The following EYS variants were observed in gnomAD, a reference collection of about 807,000 sequenced individuals.
EYS encodes the protein protein eyes shut homolog.
Under a neutral mutation model 282.1 loss-of-function variants are expected in EYS, and 250 were observed. The observed-to-expected ratio is 0.89, with a 90% confidence interval of 0.80 to 0.98. The LOEUF (loss-of-function observed/expected upper bound fraction) is 0.98. EYS is among the 50% of genes least tolerant of loss of function. The pLI, the probability that EYS is intolerant of heterozygous loss-of-function variation, is 0.00. For missense variants in EYS, 4,016 were observed against 3,709.0 expected (o/e 1.08, Z -2.15); for synonymous variants, 1,355 against 1,282.9 (o/e 1.06, Z -1.20).
At chr6:64,551,536 C>CT (rs34550861) in intron 26 of EYS, among the ~76,000 whole-genome samples, 3,062 of 131,794 alleles carry the variant, frequency 0.023, 52 homozygotes, top group Middle Eastern at 0.048. Flanking sequence ...CAAGTGCATT[C>CT]TTTTTTTTTT....
rs868439215 is a variant in EYS at position 65,494,878 on chromosome 6, A to G, written c.533T>C (p.Leu178Pro). The G allele has an allele frequency of 9.3e-6, 15 of 1,614,026 alleles. No individual in the cohort carries two copies. In the Middle Eastern group the frequency reaches 2.1e-3, roughly 231 times the overall value. ...TVKQQFCQES[L>P]SSEFCSGHGK... ...ATGACCAGAGCAAAATTCTGAACTC[A>G]GAGATTCCTGGCAGAACTGCTGTTT... The change falls in exon 4 of 43, where the codon CTG becomes CCG. Residue 178 changes from leucine to proline, a missense_variant. Leu to Pro is a moderately conservative substitution (Grantham distance 98, BLOSUM62 -3). Coordinates refer to ENST00000503581, the MANE Select transcript of EYS (RefSeq NM_001142800.2).
At chr6:65,532,080 GAA>G (rs1366416468) in intron 2 of EYS, among the ~76,000 whole-genome samples, 1 of 151,972 alleles carries the variant, frequency 6.6e-6, no homozygotes, top group Admixed American at 6.6e-5. Context: ...TGCTGTTATA[GAA>G]AATGTATAAA....
intron 26 of EYS, among the ~76,000 whole-genome samples, chr6:64,461,559 A>G (rs1032482010): frequency 6.6e-6 from 1 of 152,160 alleles, no homozygotes. Context: ...TTAAATATAG[A>G]TTTTGTGTTC....
In EYS at chr6:65,509,069, A is replaced by G. The variant is rs527412803; in HGVS notation, c.-332-13076T>C. Among the ~76,000 whole-genome samples the G allele has an allele frequency of 3.2e-4, 48 of 152,346 alleles. 1 individual carries two copies. The South Asian group carries it at 4.3e-3, about 14-fold the overall frequency. On this transcript the variant is annotated intron_variant, in intron 2 of 42. Transcript: ENST00000503581. Reference sequence around the variant, plus strand: ...ATGACTCAGGACCCAGAGGTACCCAATGAGTAAACTGGAGATGAAAATAAA... The same window carrying G: ...ATGACTCAGGACCCAGAGGTACCCAGTGAGTAAACTGGAGATGAAAATAAA...
intron 1 of EYS, among the ~76,000 whole-genome samples, chr6:65,683,526 A>G (rs1022293284): frequency 6.6e-6 from 1 of 152,062 alleles, no homozygotes; most frequent in African/African-American, 2.4e-5. Flanking sequence ...GCCATTTTGA[A>G]GATCCACAAT....
chr6:65,313,461 C>G (rs1353766105), intron 11 of EYS, among the ~76,000 whole-genome samples: 2 of 151,614 alleles, frequency 1.3e-5, no homozygotes, highest in Non-Finnish European at 2.9e-5. Flanking sequence ...ACTGTGATCA[C>G]AGCTGAGCTC....
At chr6:65,179,734 C>G (rs373353734) in intron 12 of EYS, among the ~76,000 whole-genome samples, 1 of 152,016 alleles carries the variant, frequency 6.6e-6, no homozygotes, top group Non-Finnish European at 1.5e-5. Context: ...GATACCAAAG[C>G]CTGGCAGAGA....
intron 11 of EYS, among the ~76,000 whole-genome samples, chr6:65,325,838 C>G (rs534702592): frequency 1.3e-5 from 2 of 152,218 alleles, no homozygotes; most frequent in Non-Finnish European, 2.9e-5. Context: ...CAATCTTTCA[C>G]TTGGTTTTGC....
chr6:64,903,743 C>A (rs116360457), intron 16 of EYS, among the ~76,000 whole-genome samples: 1 of 152,068 alleles, frequency 6.6e-6, no homozygotes, highest in Non-Finnish European at 1.5e-5. Flanking sequence ...ATTGACTGAC[C>A]TATTTCATCT....
chr6:64,915,684 G>T (rs1768138138), intron 15 of EYS, among the ~76,000 whole-genome samples: 1 of 152,060 alleles, frequency 6.6e-6, no homozygotes, highest in African/African-American at 2.4e-5. Flanking sequence ...TTAGCTTTTA[G>T]TAGTACTTCT....
chr6:65,613,806 A>G (rs1377143506), intron 2 of EYS, among the ~76,000 whole-genome samples: 1 of 151,886 alleles, frequency 6.6e-6, no homozygotes, highest in Admixed American at 6.6e-5. Flanking sequence ...TTCACATAAT[A>G]TATGTTTTCA....
chr6:65,376,393 G>A (rs569265066), intron 8 of EYS, among the ~76,000 whole-genome samples: 1 of 152,094 alleles, frequency 6.6e-6, no homozygotes, highest in Admixed American at 6.6e-5. Context: ...ATATAGAAAG[G>A]AAAAACTGAT....
In EYS at chr6:64,364,641, C is replaced by A. The variant is rs1772129860; in HGVS notation, c.6078+24049G>T. ...TTATTAGAAAAATCAATCTAATTAACCCAAATTAAGTGGATCTTGGAATTT... is the reference window on the plus strand; with the variant it reads ...TTATTAGAAAAATCAATCTAATTAAACCAAATTAAGTGGATCTTGGAATTT... On this transcript the variant is annotated intron_variant, in intron 29 of 42. Coordinates refer to ENST00000503581, the MANE Select transcript of EYS (RefSeq NM_001142800.2). Among the ~76,000 whole-genome samples the A allele has an allele frequency of 1.3e-5, 2 of 151,906 alleles. 1 individual carries two copies. The highest frequency in any genetic ancestry group is 4.1e-4 in the South Asian group (2 of 4,826).
chr6:64,471,533 T>A (rs1407883705), intron 26 of EYS, among the ~76,000 whole-genome samples: 1 of 148,884 alleles, frequency 6.7e-6, no homozygotes, highest in Non-Finnish European at 1.5e-5. Context: ...ACAAAGGAGT[T>A]AAAAGACCTC....
chr6:64,340,443 CA>C (rs561014287), intron 29 of EYS, among the ~76,000 whole-genome samples: 51 of 151,912 alleles, frequency 3.4e-4, no homozygotes, highest in African/African-American at 1.2e-3. Context: ...TGATTTTTAA[CA>C]AGACCAACAA....
intron 13 of EYS, among the ~76,000 whole-genome samples, chr6:65,009,150 G>A (rs1426316252): frequency 5.3e-5 from 8 of 151,982 alleles, no homozygotes; most frequent in East Asian, 1.9e-4. Context: ...CAATATAGAC[G>A]AGCAAAGAAT....
At chr6:65,418,241 A>C (rs1767317080) in intron 5 of EYS, among the ~76,000 whole-genome samples, 2 of 152,088 alleles carry the variant, frequency 1.3e-5, no homozygotes, top group South Asian at 4.1e-4. Flanking sequence ...AGTAATTTTG[A>C]GCAACACAAT....
At chr6:65,043,065 T>C (rs1382543496) in intron 13 of EYS, among the ~76,000 whole-genome samples, 1 of 151,554 alleles carries the variant, frequency 6.6e-6, no homozygotes, top group Non-Finnish European at 1.5e-5. Flanking sequence ...GATTTTATTC[T>C]ACATTTTAAA....
chr6:65,218,381 T>G (rs1255071188), intron 12 of EYS, among the ~76,000 whole-genome samples: 1 of 152,130 alleles, frequency 6.6e-6, no homozygotes, highest in African/African-American at 2.4e-5. Context: ...ACATTTTTTC[T>G]TTACCTCCCT....
Sources: allele counts gnomAD v4.1 joint callset (sites outside exome capture counted in the v4.1 genomes callset), GRCh38; gene constraint gnomAD v4.1.1; transcripts MANE v1.5; gene names NCBI Gene and HGNC (gene_info 2026-07-23, HGNC 2026-07-21).